Variants in KMT2E observed in about 807,000 individuals in gnomAD.
KMT2E encodes the protein histone reader KMT2E.
In KMT2E, 30 loss-of-function variants were observed where a neutral mutation model predicts 184.6. That is an observed-to-expected ratio of 0.16 (90% CI 0.12 to 0.22). The LOEUF is 0.22. Among genes scored for constraint, KMT2E ranks in the 10% least tolerant of loss-of-function variants. The probability of loss-of-function intolerance (pLI) is 1.00; values close to 1 mark genes in which losing one functional copy is unlikely to be tolerated. For synonymous variants in KMT2E, 815 were observed against 776.5 expected (o/e 1.05, Z -0.82); for missense variants, 2,023 against 2,237.4 (o/e 0.90, Z 1.93).
chr7:105,058,927 A>G (rs1341227861), intron 3 of KMT2E, among the ~76,000 whole-genome samples: 5 of 152,170 alleles, frequency 3.3e-5, no homozygotes, highest in African/African-American at 1.2e-4. Context: ...AGGCTAAAAG[A>G]AAAAAAGAAC....
In KMT2E at chr7:105,076,029, C is replaced by T. The variant is rs34045974; in HGVS notation, c.730-14C>T. 1,668 of 1,578,886 alleles carry T rather than the reference C, an allele frequency of 1.1e-3. 2 individuals are homozygous for T. Among genetic ancestry groups the T allele is most frequent in the Non-Finnish European group, 1.3e-3 (1,500 of 1,149,646 alleles). On this transcript the variant is annotated splice_polypyrimidine_tract_variant and intron_variant, in intron 8 of 26. Transcript: ENST00000311117. ...TTTTTTAGGAAACTAACTAGAATTC[C>T]ATGTTTATTTTAGGCATTTCGTGAA...
intron 1 of KMT2E, among the ~76,000 whole-genome samples, chr7:105,016,254 G>A (rs979752422): frequency 6.6e-6 from 1 of 152,060 alleles, no homozygotes; most frequent in South Asian, 2.1e-4. Context: ...ATTATATTTT[G>A]CCATCCATTT....
rs1054606089 is a variant in KMT2E, at chr7:105,112,266, C to G, written c.4510C>G (p.Gln1504Glu). ...TCAAAGAAACTTTTATCCAGCAGCA[C>G]AGAACCTTCCAGCCAATACTCAGCA... ...EPQRNFYPAA[Q>E]NLPANTQQAT... Residue 1504 changes from glutamine (Q) to glutamate (E), a missense_variant, in exon 27 of 27, where the codon CAG (glutamine) becomes GAG (glutamate). Physicochemically the swap from Gln to Glu is conservative, Grantham distance 29 (BLOSUM62 2). Around this residue, in one of 8 missense-constraint regions of KMT2E, gnomAD observed 1,108 missense variants for 1,050.9 expected, o/e 1.05. Transcript: ENST00000311117. The G allele has an allele frequency of 3.5e-5, 57 of 1,614,022 alleles. No individual in the cohort carries two copies. The highest frequency in any genetic ancestry group is 4.7e-5 in the Non-Finnish European group (55 of 1,180,036).
intron 14 of KMT2E, among the ~76,000 whole-genome samples, 192 bp downstream of exon 14, chr7:105,090,465 ACAGCT>A (rs1313236061): frequency 2.0e-5 from 3 of 152,224 alleles, no homozygotes; most frequent in Non-Finnish European, 4.4e-5. Context: ...TTATTAAGAA[ACAGCT>A]CAGCAAGCAA....
At chr7:105,031,326 C>T (rs1795405106) in intron 1 of KMT2E, among the ~76,000 whole-genome samples, 1 of 132,598 alleles carries the variant, frequency 7.5e-6, no homozygotes, top group African/African-American at 2.9e-5. Flanking sequence ...CATTGCATTC[C>T]AGCCTGGGCA....
At position 105,109,148 on chromosome 7, in the gene KMT2E, T is replaced by C. The variant is rs777764749; in HGVS notation, c.3675T>C (p.Asn1225=). Residue 1225 remains asparagine, a synonymous_variant, in exon 23 of 27, where the codon AAT becomes AAC. Coordinates refer to ENST00000311117, the MANE Select transcript of KMT2E (RefSeq NM_182931.3). ...LPLPTPATVY[N]ATSEETSNNC... ...TACCAACACCAGCTACAGTTTATAA[T>C]GCCACTTCTGAAGAAACTAGCAATA... 25 of 1,614,164 alleles carry C rather than the reference T, an allele frequency of 1.5e-5. No individual in the cohort carries two copies. Among genetic ancestry groups the C allele is most frequent in the Non-Finnish European group, 2.1e-5 (25 of 1,180,016 alleles).
At chr7:105,071,582 G>GTGTATA (rs1398236878) in intron 6 of KMT2E, among the ~76,000 whole-genome samples, 2 of 34,930 alleles carry the variant, frequency 5.7e-5, no homozygotes, top group South Asian at 1.3e-3. Flanking sequence ...ATGTGTGTGT[G>GTGTATA]TATATATATA....
intron 1 of KMT2E, among the ~76,000 whole-genome samples, chr7:105,031,743 CTG>C (rs1389633821): frequency 2.7e-5 from 4 of 150,314 alleles, no homozygotes; most frequent in Admixed American, 2.0e-4. Context: ...CAGAGTGAAA[CTG>C]TCTCAAAAAT....
At position 105,114,101 on chromosome 7, in the gene KMT2E, C is replaced by CAACT. The variant is rs1402831857; in HGVS notation, c.*769_*772dup. ...GTCAGTTTTACCAGATTGTCCTGTA[C>CAACT]AACTTCTAAGATCGGGATCTGTGTG... On this transcript the variant is annotated 3_prime_UTR_variant, in exon 27 of 27. Transcript: ENST00000311117. The CAACT allele has an allele frequency of 6.6e-6, 1 of 152,564 alleles. No individual in the cohort carries two copies. The highest frequency in any genetic ancestry group is 2.4e-5 in the African/African-American group (1 of 41,454). The allele number at this position is 152,564 out of a possible 1,614,324, so 9.5% of individuals were successfully genotyped here.
At chr7:105,015,972 A>G (rs1293911414) in intron 1 of KMT2E, among the ~76,000 whole-genome samples, 5 of 151,060 alleles carry the variant, frequency 3.3e-5, no homozygotes, top group Non-Finnish European at 7.4e-5. Flanking sequence ...CTTCAACATT[A>G]AAAAAAAATT....
intron 6 of KMT2E, among the ~76,000 whole-genome samples, chr7:105,072,744 C>T (rs1254642780): frequency 1.3e-5 from 2 of 151,780 alleles, no homozygotes; most frequent in African/African-American, 2.4e-5. Flanking sequence ...GGAGAAACCC[C>T]GTCTCTACTA....
At chr7:105,052,605 C>G (rs913115969) in intron 3 of KMT2E, among the ~76,000 whole-genome samples, 1 of 152,018 alleles carries the variant, frequency 6.6e-6, no homozygotes. Context: ...GTCGCCCAGG[C>G]TAGAGTGCAG....
At position 105,110,620 on chromosome 7, in the gene KMT2E, C is replaced by T. The variant is rs192970777; in HGVS notation, c.3970+18C>T. 146 of 1,613,658 alleles carry T rather than the reference C, an allele frequency of 9.0e-5. 1 individual carries two copies. The highest frequency in any genetic ancestry group is 2.5e-4 in the Admixed American group (15 of 59,994). Reference sequence around the variant, plus strand: ...TATGGAAGGTCAGTAAGCAGATGACCGATAATGTTATTCTTAACAAATTTT... The same window carrying T: ...TATGGAAGGTCAGTAAGCAGATGACTGATAATGTTATTCTTAACAAATTTT... On this transcript the variant is annotated intron_variant, in intron 25 of 26. Coordinates refer to ENST00000311117, the MANE Select transcript of KMT2E (RefSeq NM_182931.3).
chr7:105,061,137 T>C (rs994699388), intron 3 of KMT2E, among the ~76,000 whole-genome samples: 1 of 151,860 alleles, frequency 6.6e-6, no homozygotes, highest in Non-Finnish European at 1.5e-5. Flanking sequence ...GAGAGCTAAA[T>C]TGAGACTTCG....
intron 1 of KMT2E, among the ~76,000 whole-genome samples, chr7:105,020,175 G>A (rs1794891733): frequency 6.6e-6 from 1 of 151,460 alleles, no homozygotes; most frequent in African/African-American, 2.4e-5. Flanking sequence ...TTAATATTGA[G>A]AAAGATGATA....
chr7:105,017,858 G>A (rs1794782907), intron 1 of KMT2E, among the ~76,000 whole-genome samples: 1 of 151,894 alleles, frequency 6.6e-6, no homozygotes, highest in African/African-American at 2.4e-5. Flanking sequence ...TAAGTGTAGA[G>A]CCTTGACAGG....
At chr7:105,051,555 C>G (rs1216505155) in intron 3 of KMT2E, among the ~76,000 whole-genome samples, 1 of 152,156 alleles carries the variant, frequency 6.6e-6, no homozygotes, top group Non-Finnish European at 1.5e-5. Flanking sequence ...CTTGATTGGT[C>G]CTTTCCCCTT....
rs538825219 is a variant in KMT2E at position 105,057,520 on chromosome 7, C to G, written c.72-4644C>G. ...AGTACAGTGACATGATCATAGCTCA[C>G]TGCATCTTCAACTTGCCTGTCTCAG... On this transcript the variant is annotated intron_variant, in intron 3 of 26. Transcript: ENST00000311117. Among the ~76,000 whole-genome samples the G allele has an allele frequency of 5.3e-5, 8 of 152,234 alleles. No homozygotes were observed. The East Asian group carries it at 7.7e-4, about 15-fold the overall frequency.
intron 3 of KMT2E, among the ~76,000 whole-genome samples, chr7:105,047,613 A>G (rs1796160790): frequency 6.6e-6 from 1 of 152,246 alleles, no homozygotes; most frequent in East Asian, 1.9e-4. Flanking sequence ...TTATTTTTAT[A>G]CTGTGAGTCC....
Sources: allele counts gnomAD v4.1 joint callset (sites outside exome capture counted in the v4.1 genomes callset), GRCh38; gene constraint gnomAD v4.1.1; regional missense constraint gnomAD v4.1.1; transcripts MANE v1.5; gene names NCBI Gene and HGNC (gene_info 2026-07-23, HGNC 2026-07-21).